The following PKP4 variants were observed in gnomAD, a reference collection of about 807,000 sequenced individuals.
The protein encoded by PKP4 is plakophilin-4.
In PKP4, 90 loss-of-function variants were observed where a neutral mutation model predicts 145.1. The observed-to-expected ratio is 0.62, with a 90% confidence interval of 0.52 to 0.74. The LOEUF (loss-of-function observed/expected upper bound fraction) is 0.74, where lower values mean the gene tolerates loss of function less well. Among genes scored for constraint, PKP4 ranks in the 30% least tolerant of loss-of-function variants. The probability of loss-of-function intolerance (pLI) is 0.00; values close to 1 mark genes in which losing one functional copy is unlikely to be tolerated. For missense variants in PKP4, 1,340 were observed against 1,482.7 expected, an observed-to-expected ratio of 0.90 and a Z score of 1.58; for synonymous variants, 563 against 577.2, an observed-to-expected ratio of 0.98 and a Z score of 0.35.
chr2:158,609,187 A>G (rs977368697), intron 4 of PKP4, among the ~76,000 whole-genome samples: 4 of 152,210 alleles, frequency 2.6e-5, no homozygotes, highest in African/African-American at 9.6e-5. Flanking sequence ...GGGATAAAAC[A>G]GCAGTGTTGC....
intron 4 of PKP4, among the ~76,000 whole-genome samples, chr2:158,614,069 A>G (rs1474072505): frequency 3.9e-5 from 6 of 152,192 alleles, no homozygotes; most frequent in Non-Finnish European, 7.3e-5. Context: ...CACATTTCCA[A>G]GACATCTGAA....
Position 158,624,975 on chromosome 2 carries a change from G to C in PKP4, c.701G>C (p.Arg234Thr). The change falls in exon 7 of 22, where the codon AGG (arginine) becomes ACG (threonine). Residue 234 changes from arginine to threonine, a missense_variant. Physicochemically the swap from Arg to Thr is moderately conservative, Grantham distance 71. Transcript: ENST00000389759. ...ATCAGCACAGGCGTGTCTCCTTCAAGGGGGTCTCTGAGAACTTCTCTGGGT... is the reference window on the plus strand; with the variant it reads ...ATCAGCACAGGCGTGTCTCCTTCAACGGGGTCTCTGAGAACTTCTCTGGGT... ...YVISTGVSPSRGSLRTSLGSG... is the reference protein window; with the variant it reads ...YVISTGVSPSTGSLRTSLGSG... 6.2e-7 allele frequency: 1 copy of C among 1,614,094 alleles called. No homozygotes were observed. The highest frequency in any genetic ancestry group is 8.5e-7 in the Non-Finnish European group (1 of 1,179,992).
chr2:158,522,772 G>A (rs1291310503), intron 1 of PKP4, among the ~76,000 whole-genome samples: 9 of 152,352 alleles, frequency 5.9e-5, no homozygotes, highest in Admixed American at 5.2e-4. Context: ...CAGTGGGTGT[G>A]CGCACCGTGC....
At chr2:158,476,403 T>G (rs141749582) in intron 1 of PKP4, among the ~76,000 whole-genome samples, 1 of 152,262 alleles carries the variant, frequency 6.6e-6, no homozygotes, top group East Asian at 1.9e-4. Flanking sequence ...TGAGTATAGC[T>G]CACTGCAACC....
intron 3 of PKP4, among the ~76,000 whole-genome samples, chr2:158,593,416 A>C (rs1348484305): frequency 6.6e-6 from 1 of 152,226 alleles, no homozygotes; most frequent in Admixed American, 6.5e-5. Context: ...GGGCATAAAC[A>C]GAAGTCATGT....
At chr2:158,484,134 G>A (rs1000029744) in intron 1 of PKP4, among the ~76,000 whole-genome samples, 3 of 147,246 alleles carry the variant, frequency 2.0e-5, no homozygotes, top group South Asian at 2.2e-4. Flanking sequence ...TGCAAGCTCC[G>A]CCTCCCGGGT....
intron 1 of PKP4, among the ~76,000 whole-genome samples, chr2:158,511,900 G>A (rs910543482): frequency 5.3e-5 from 8 of 152,086 alleles, no homozygotes; most frequent in Non-Finnish European, 1.0e-4. Context: ...AAAAAAAAAT[G>A]CTGAGTAAAC....
chr2:158,651,531 C>G (rs2055362728), intron 11 of PKP4, among the ~76,000 whole-genome samples: 1 of 152,066 alleles, frequency 6.6e-6, no homozygotes, highest in Non-Finnish European at 1.5e-5. Context: ...TGCCAGCCAG[C>G]TCCAGCATGT....
At chr2:158,642,911 T>C (rs2054441361) in intron 11 of PKP4, among the ~76,000 whole-genome samples, 1 of 152,230 alleles carries the variant, frequency 6.6e-6, no homozygotes. Context: ...TAAGTTATTG[T>C]ACTTATTAAT....
chr2:158,576,663 G>A (rs1266061827), intron 2 of PKP4, among the ~76,000 whole-genome samples: 1 of 152,020 alleles, frequency 6.6e-6, no homozygotes, highest in Non-Finnish European at 1.5e-5. Flanking sequence ...CTATGTTATG[G>A]CTTAGTCTTT....
At chr2:158,574,762 G>C (rs746172877) in intron 2 of PKP4, among the ~76,000 whole-genome samples, 1 of 152,162 alleles carries the variant, frequency 6.6e-6, no homozygotes, top group Non-Finnish European at 1.5e-5. Flanking sequence ...GCACGTAATA[G>C]GTTGAATGGT....
chr2:158,514,663 G>A (rs546135340), intron 1 of PKP4, among the ~76,000 whole-genome samples: 1 of 152,100 alleles, frequency 6.6e-6, no homozygotes, highest in Non-Finnish European at 1.5e-5. Context: ...AAATTAGCCC[G>A]GGTGTGGTGG....
chr2:158,589,582 A>G (rs2049082813), intron 3 of PKP4, among the ~76,000 whole-genome samples: 1 of 152,216 alleles, frequency 6.6e-6, no homozygotes, highest in Non-Finnish European at 1.5e-5. Context: ...ACAAACATGT[A>G]CAAGAGGTCA....
intron 12 of PKP4, 41 bp from the exon 13 acceptor site, chr2:158,661,292 A>G (rs758494807): frequency 7.0e-7 from 1 of 1,422,098 alleles, no homozygotes; most frequent in Non-Finnish European, 9.9e-7. Flanking sequence ...TGATGAGTGC[A>G]TGGTTCATCT....
intron 1 of PKP4, among the ~76,000 whole-genome samples, chr2:158,473,804 A>T (rs936551335): frequency 6.6e-6 from 1 of 152,220 alleles, no homozygotes; most frequent in East Asian, 1.9e-4. Context: ...CTAAAAGTTT[A>T]AAATACATAT....
At chr2:158,528,448 G>C (rs1205210043) in intron 1 of PKP4, among the ~76,000 whole-genome samples, 13 of 103,848 alleles carry the variant, frequency 1.3e-4, no homozygotes, top group Non-Finnish European at 2.4e-4. Context: ...GAGATCACAT[G>C]GTCACAGGAA....
chr2:158,659,813 G>A (rs2056379964), intron 12 of PKP4: 1 of 151,566 alleles, frequency 6.6e-6, no homozygotes, highest in Admixed American at 6.5e-5. Flanking sequence ...AGTCAGATGG[G>A]GTTTGCATTT....
intron 16 of PKP4, among the ~76,000 whole-genome samples, chr2:158,668,374 A>C (rs983814709): frequency 6.6e-6 from 1 of 152,076 alleles, no homozygotes; most frequent in African/African-American, 2.4e-5. Flanking sequence ...CATCAGCACT[A>C]GCAAAGGACT....
intron 2 of PKP4, among the ~76,000 whole-genome samples, chr2:158,566,205 C>A (rs756570327): frequency 1.3e-5 from 2 of 152,084 alleles, no homozygotes; most frequent in Non-Finnish European, 2.9e-5. Flanking sequence ...AAATAAGTCT[C>A]CTATTCTGTA....
Sources: gnomAD v4.1 joint callset for allele counts (sites outside exome capture counted in the v4.1 genomes callset) on GRCh38, gnomAD v4.1.1 for gene constraint, MANE v1.5 for transcripts, NCBI Gene and HGNC (gene_info 2026-07-23, HGNC 2026-07-21) for gene names.